Variants in PCDH11X observed in about 807,000 individuals in gnomAD.
PCDH11X encodes protocadherin-11 X-linked.
A neutral mutation model predicts 53.3 loss-of-function variants in PCDH11X; 18 were observed. The ratio of observed to expected loss-of-function variants is 0.34; its 90% CI spans 0.23 to 0.50. PCDH11X has a LOEUF of 0.50. Among genes scored for constraint, PCDH11X ranks in the 20% least tolerant of loss-of-function variants. The probability of loss-of-function intolerance (pLI) is 0.98; values close to 1 mark genes in which losing one functional copy is unlikely to be tolerated. For synonymous variants in PCDH11X, 279 were observed against 393.3 expected (o/e 0.71, Z 3.44); for missense variants, 570 against 1,032.4 (o/e 0.55, Z 6.14).
chrX:92,083,232 C>T (rs1001716531), intron 6 of PCDH11X, among the ~76,000 whole-genome samples: 5 of 111,713 alleles, frequency 4.5e-5, no homozygotes, highest in South Asian at 3.7e-4. Context: ...ATGTAAGGCA[C>T]GCAATACTTT....
chrX:92,249,144 A>T (rs1490324739), intron 7 of PCDH11X, among the ~76,000 whole-genome samples: 2 of 111,043 alleles, frequency 1.8e-5, no homozygotes, highest in Non-Finnish European at 3.8e-5. Flanking sequence ...CTATTATCTA[A>T]TATGAAAACC....
At chrX:91,998,295 T>G (rs2062452717) in intron 6 of PCDH11X, among the ~76,000 whole-genome samples, 1 of 110,941 alleles carries the variant, frequency 9.0e-6, no homozygotes, top group South Asian at 3.8e-4. Flanking sequence ...AATTAATCTA[T>G]TTCTTCTAGT....
intron 6 of PCDH11X, among the ~76,000 whole-genome samples, chrX:91,934,461 A>T (rs1433658597): frequency 9.0e-6 from 1 of 110,937 alleles, no homozygotes; most frequent in Non-Finnish European, 1.9e-5. Context: ...GTTCCTTGCT[A>T]AAATCGGAAA....
chrX:92,537,835 T>C (rs1186377402), intron 10 of PCDH11X, among the ~76,000 whole-genome samples: 1 of 109,632 alleles, frequency 9.1e-6, no homozygotes, highest in Non-Finnish European at 1.9e-5. Context: ...CTGATTTTTG[T>C]ATATTGATTT....
intron 6 of PCDH11X, among the ~76,000 whole-genome samples, chrX:91,916,168 C>CA (rs1017761872): frequency 9.0e-6 from 1 of 110,640 alleles, no homozygotes; most frequent in African/African-American, 3.3e-5. Context: ...CTCTGGGATA[C>CA]AAAAAAAGCA....
Position 92,305,557 on chromosome X carries a change from C to A in PCDH11X, c.3144+42414C>A, listed in dbSNP as rs749916253. 1.3e-3 allele frequency among the ~76,000 whole-genome samples: 142 copies of A among 110,786 alleles called. 1 individual carries two copies. Among genetic ancestry groups the A allele is most frequent in the African/African-American group, 4.4e-3 (134 of 30,432 alleles). The stretch of plus-strand genomic sequence containing the variant: ...CCCCACCTTTATGATTCCATTTAAC[C>A]TTAATTACCTTCCTAAAGGCCCTAT... On this transcript the variant is annotated intron_variant, in intron 8 of 10. Transcript: ENST00000682573.
intron 10 of PCDH11X, among the ~76,000 whole-genome samples, chrX:92,523,686 A>G (rs1433779606): frequency 1.8e-5 from 2 of 111,725 alleles, no homozygotes; most frequent in Non-Finnish European, 3.8e-5. Flanking sequence ...AGGCACTGTA[A>G]TGAACACTTA....
In PCDH11X at chrX:92,338,723, C is replaced by T. The variant is rs1271196738; in HGVS notation, c.3145-49012C>T. On this transcript the variant is annotated intron_variant, in intron 8 of 10. Coordinates refer to ENST00000682573, the MANE Select transcript of PCDH11X (RefSeq NM_032968.5). ...CAATAGGCAATCAAATCAAGTTGTTCATTTTTATTGCTAGCAATTACTCTG... is the reference window on the plus strand; with the variant it reads ...CAATAGGCAATCAAATCAAGTTGTTTATTTTTATTGCTAGCAATTACTCTG... Among the ~76,000 whole-genome samples the T allele has an allele frequency of 1.1e-4, 12 of 111,591 alleles. No homozygotes were observed. In the East Asian group the frequency reaches 2.3e-3, roughly 21 times the overall value.
chrX:92,452,463 GTATATATATATATATATATA>G (rs763381982), intron 9 of PCDH11X, among the ~76,000 whole-genome samples: 8 of 44,730 alleles, frequency 1.8e-4, no homozygotes, highest in South Asian at 1.7e-3. Flanking sequence ...GTGTGTGTGT[GTATATATATATATATATATA>G]TATATATATA....
chrX:91,790,430 T>C (rs1035889355), intron 1 of PCDH11X, among the ~76,000 whole-genome samples: 1 of 112,588 alleles, frequency 8.9e-6, no homozygotes, highest in African/African-American at 3.2e-5. Context: ...TATTGGTTTG[T>C]AAAATATCAG....
chrX:92,433,796 A>G (rs2072306560), intron 9 of PCDH11X, among the ~76,000 whole-genome samples: 1 of 111,327 alleles, frequency 9.0e-6, no homozygotes, highest in African/African-American at 3.3e-5. Flanking sequence ...AATGATAACT[A>G]TTGTTCTTGT....
chrX:91,885,289 C>G (rs1272494715), intron 6 of PCDH11X, among the ~76,000 whole-genome samples: 1 of 111,637 alleles, frequency 9.0e-6, no homozygotes, highest in Non-Finnish European at 1.9e-5. Context: ...AGTTACTCCC[C>G]TTTTATTCTT....
intron 9 of PCDH11X, among the ~76,000 whole-genome samples, chrX:92,467,168 A>T (rs1379578581): frequency 9.0e-6 from 1 of 111,163 alleles, no homozygotes; most frequent in Non-Finnish European, 1.9e-5. Flanking sequence ...TTGTATTACC[A>T]TTAAATTACA....
intron 9 of PCDH11X, among the ~76,000 whole-genome samples, chrX:92,436,519 G>T (rs187157229): frequency 9.0e-6 from 1 of 111,115 alleles, no homozygotes; most frequent in African/African-American, 3.3e-5. Context: ...AGAGAAACAT[G>T]CACACAAATG....
intron 9 of PCDH11X, among the ~76,000 whole-genome samples, chrX:92,449,279 A>G (rs2072728103): frequency 8.9e-6 from 1 of 111,915 alleles, no homozygotes; most frequent in African/African-American, 3.2e-5. Context: ...ACAACTTTCA[A>G]ATTAACTTCT....
chrX:92,195,940 G>A (rs189485243), intron 6 of PCDH11X, among the ~76,000 whole-genome samples: 248 of 111,971 alleles, frequency 2.2e-3, no homozygotes, highest in African/African-American at 7.8e-3. Context: ...TTTCCCCATG[G>A]AGAGGAAACA....
chrX:92,533,069 A>C (rs747376022), intron 10 of PCDH11X, among the ~76,000 whole-genome samples: 295 of 111,174 alleles, frequency 2.7e-3, no homozygotes, highest in African/African-American at 8.8e-3. Context: ...GGGTGAGGAT[A>C]CACAGCCAAA....
intron 10 of PCDH11X, among the ~76,000 whole-genome samples, chrX:92,559,151 T>C (rs891004120): frequency 4.4e-4 from 49 of 110,881 alleles, no homozygotes; most frequent in South Asian, 3.4e-3. Context: ...GGCTTTTGTA[T>C]GAAAAAAGTG....
chrX:92,175,158 G>T (rs1260985956), intron 6 of PCDH11X, among the ~76,000 whole-genome samples: 1 of 110,730 alleles, frequency 9.0e-6, no homozygotes, highest in Non-Finnish European at 1.9e-5. Flanking sequence ...TGTATTTTTG[G>T]TAGAGATGGG....
Sources: allele counts gnomAD v4.1 joint callset (sites outside exome capture counted in the v4.1 genomes callset), GRCh38; gene constraint gnomAD v4.1.1; transcripts MANE v1.5; gene names NCBI Gene and HGNC (gene_info 2026-07-23, HGNC 2026-07-21).